SPACDR: variants seen among roughly 807,000 people sequenced by gnomAD.
SPACDR encodes sperm acrosome developmental regulator.
chr7:100,460,177 C>T, the SPACDR span, among the ~76,000 whole-genome samples: 2 of 150,926 alleles, frequency 1.3e-5, no homozygotes, highest in African/African-American at 4.9e-5. Context: ...GCGTGAGCCA[C>T]TGCGCCTGGC....
At chr7:100,456,999 A>C in the SPACDR span, 1 of 1,597,006 alleles carries the variant, frequency 6.3e-7, no homozygotes, top group Non-Finnish European at 8.6e-7. Context: ...TAAGAGAAAG[A>C]GAAGATGTGC....
the SPACDR span, among the ~76,000 whole-genome samples, chr7:100,462,891 CT>C: frequency 6.7e-6 from 1 of 148,586 alleles, no homozygotes; most frequent in East Asian, 2.1e-4. Flanking sequence ...AGGTGGATCA[CT>C]TGAGGCCAGG....
chr7:100,461,436 C>T, the SPACDR span, among the ~76,000 whole-genome samples: 2 of 151,910 alleles, frequency 1.3e-5, no homozygotes, highest in Non-Finnish European at 2.9e-5. Context: ...GCCACCGATT[C>T]CTGGCTTATT....
the SPACDR span, chr7:100,456,988 G>A: frequency 1.2e-6 from 2 of 1,605,872 alleles, no homozygotes; most frequent in African/African-American, 1.3e-5. Flanking sequence ...ACTGATGACT[G>A]TAAGAGAAAG....
At chr7:100,460,236 A>G in the SPACDR span, among the ~76,000 whole-genome samples, 2 of 151,260 alleles carry the variant, frequency 1.3e-5, no homozygotes, top group South Asian at 2.1e-4. Context: ...TATCTGGGAT[A>G]AATGCCCAAG....
the SPACDR span, among the ~76,000 whole-genome samples, chr7:100,460,148 C>T: frequency 1.3e-5 from 2 of 152,020 alleles, no homozygotes; most frequent in Non-Finnish European, 2.9e-5. Flanking sequence ...CTCGGCCTCC[C>T]AAAGTGTTAG....
At chr7:100,457,841 G>GTGTGTGTGTGTGTGTGTGTGTGTA in the SPACDR span, among the ~76,000 whole-genome samples, 3 of 85,078 alleles carry the variant, frequency 3.5e-5, no homozygotes, top group East Asian at 4.0e-4. Context: ...GTGTGTGTGT[G>GTGTGTGTGTGTGTGTGTGTGTGTA]TATATATATA....
the SPACDR span, among the ~76,000 whole-genome samples, chr7:100,459,504 G>A: frequency 2.7e-5 from 4 of 148,868 alleles, no homozygotes; most frequent in Non-Finnish European, 4.4e-5. Context: ...TGGCCGGGCT[G>A]GTCTCGAACT....
At chr7:100,462,183 T>C in the SPACDR span, among the ~76,000 whole-genome samples, 1 of 152,118 alleles carries the variant, frequency 6.6e-6, no homozygotes, top group Non-Finnish European at 1.5e-5. Context: ...TACATGGCAT[T>C]TGGTGGACGC....
chr7:100,459,085 G>GCT, the SPACDR span, among the ~76,000 whole-genome samples: 1 of 132,624 alleles, frequency 7.5e-6, no homozygotes, highest in African/African-American at 2.8e-5. Flanking sequence ...CTCACTGCAA[G>GCT]CTCCGCCTCC....
the SPACDR span, among the ~76,000 whole-genome samples, chr7:100,461,123 G>T: frequency 1.3e-5 from 2 of 151,462 alleles, no homozygotes; most frequent in Non-Finnish European, 2.9e-5. Flanking sequence ...TCACTGTATT[G>T]CCCAGGCTGG....
chr7:100,458,118 A>G, the SPACDR span, among the ~76,000 whole-genome samples: 1 of 151,520 alleles, frequency 6.6e-6, no homozygotes, highest in Admixed American at 6.6e-5. Flanking sequence ...CTATACTATT[A>G]TATCATAGTC....
At chr7:100,462,306 C>T in the SPACDR span, among the ~76,000 whole-genome samples, 4 of 148,400 alleles carry the variant, frequency 2.7e-5, no homozygotes, top group African/African-American at 7.5e-5. Flanking sequence ...CTCCGCCTCC[C>T]GGGTTCATGC....
chr7:100,459,585 C>T, the SPACDR span, among the ~76,000 whole-genome samples: 2 of 152,020 alleles, frequency 1.3e-5, no homozygotes, highest in African/African-American at 2.4e-5. Context: ...CCACCACGCC[C>T]GGCCCTGTCC....
the SPACDR span, chr7:100,464,018 A>G: frequency 1.8e-5 from 28 of 1,556,122 alleles, no homozygotes; most frequent in Non-Finnish European, 2.4e-5. Context: ...CTTCATGACC[A>G]CAACCATCTC....
the SPACDR span, among the ~76,000 whole-genome samples, chr7:100,459,305 C>T: frequency 4.7e-5 from 7 of 148,804 alleles, no homozygotes; most frequent in East Asian, 1.0e-3. Flanking sequence ...CCACCGTGCC[C>T]GGCCTTTATT....
chr7:100,464,096 GGATGGGGT>G, the SPACDR span: 7 of 1,448,600 alleles, frequency 4.8e-6, no homozygotes, highest in East Asian at 5.6e-5. Flanking sequence ...GGCGGGTGGG[GGATGGGGT>G]GGGCTGTGGG....
chr7:100,463,856 G>A, the SPACDR span: 11 of 1,375,058 alleles, frequency 8.0e-6, no homozygotes, highest in Non-Finnish European at 9.2e-6. Flanking sequence ...ACTCCATCTT[G>A]TTTGGCCACA....
chr7:100,462,358 C>G, the SPACDR span, among the ~76,000 whole-genome samples: 1 of 151,904 alleles, frequency 6.6e-6, no homozygotes, highest in Admixed American at 6.6e-5. Context: ...GGACTACAGC[C>G]ACCTGCCACC....
Sources: gnomAD v4.1 joint callset for allele counts (sites outside exome capture counted in the v4.1 genomes callset) on GRCh38, gnomAD v4.1.1 for gene constraint, MANE v1.5 for transcripts, NCBI Gene and HGNC (gene_info 2026-07-23, HGNC 2026-07-21) for gene names.